Variants in ETFB observed in about 807,000 individuals in gnomAD.
ETFB encodes the protein electron transfer flavoprotein subunit beta.
In ETFB, 20 loss-of-function variants were observed where a neutral mutation model predicts 25.6. The observed-to-expected ratio is 0.78, with a 90% CI of 0.55 to 1.14. ETFB has a LOEUF of 1.14. Among genes scored for constraint, ETFB ranks in the 50% most tolerant of loss-of-function variants. ETFB has a pLI of 0.00. For synonymous variants in ETFB, 142 were observed against 146.7 expected (o/e 0.97, Z 0.23); for missense variants, 286 against 342.6 (o/e 0.83, Z 1.30).
intron 5 of ETFB, 150 bp downstream of exon 5, chr19:51,346,750 C>CG: frequency 1.3e-6 from 1 of 743,752 alleles, no homozygotes; most frequent in Non-Finnish European, 2.2e-6. Flanking sequence ...CCAGCAAACT[C>CG]TCTCTATCAG....
intron 1 of ETFB, chr19:51,356,334 C>CACTGCAGTGTA (rs1986078530): frequency 6.6e-6 from 1 of 152,246 alleles, no homozygotes; most frequent in African/African-American, 2.4e-5. Context: ...TCACAAATGC[C>CACTGCAGTGTA]ACTGCAGTGT....
In ETFB at chr19:51,346,908, T is replaced by C. The variant is rs747411704; in HGVS notation, c.589A>G (p.Asn197Asp). 9 of 1,554,016 alleles carry C rather than the reference T, an allele frequency of 5.8e-6. No homozygotes were observed. The highest frequency in any genetic ancestry group is 7.0e-6 in the Non-Finnish European group (8 of 1,148,850). Residue 197 changes from asparagine (N) to aspartate (D), a missense_variant, in exon 5 of 6, where the codon AAC (asparagine) becomes GAC (aspartate). Coordinates refer to ENST00000309244, the MANE Select transcript of ETFB (RefSeq NM_001985.3). ...LNEPRYATLP[N>D]IMKAKKKKIE... is the part of the protein sequence containing the mutation. ...GCTGGCCAGGGGCTCACCATGATGTTGGGCAGCGTGGCGTAGCGGGGCTCG... is the reference window on the plus strand; with the variant it reads ...GCTGGCCAGGGGCTCACCATGATGTCGGGCAGCGTGGCGTAGCGGGGCTCG...
intron 1 of ETFB, among the ~76,000 whole-genome samples, chr19:51,364,239 G>A (rs1456700995): frequency 6.6e-6 from 1 of 152,176 alleles, no homozygotes; most frequent in Non-Finnish European, 1.5e-5. Context: ...AGAAGGGAAA[G>A]AGGGTGGGAC....
Position 51,353,064 on chromosome 19 carries a change from G to A in ETFB, c.375+68C>T, listed in dbSNP as rs570430481. The A allele has an allele frequency of 4.7e-4, 751 of 1,597,232 alleles. 2 individuals carry two copies. In the African/African-American group the frequency reaches 9.0e-3, roughly 19 times the overall value. ...GCCTGGCCAGCTGCTGTCTCACCCC[G>A]TATCTCCACCACCCTCCTCCCGAGC... On this transcript the variant is annotated intron_variant, in intron 3 of 5. Transcript: ENST00000309244.
rs1986036733 is a variant in ETFB, at chr19:51,354,797, C to T, written c.58-489G>A. The T allele has an allele frequency of 8.9e-6, 7 of 782,408 alleles. No individual in the cohort carries two copies. In the East Asian group the frequency reaches 1.9e-4, roughly 21 times the overall value. The allele number at this position is 782,408 out of a possible 1,614,324, so 48.5% of individuals were successfully genotyped here. On this transcript the variant is annotated intron_variant, in intron 1 of 5. Transcript: ENST00000309244. ...ACAGCTACAGGCAACAATAGAGCAG[C>T]CTGGGGAAAACTCAAGCTGCCCAGC...
intron 5 of ETFB, chr19:51,345,588 C>A (rs951761994): frequency 9.6e-5 from 59 of 611,612 alleles, no homozygotes; most frequent in Non-Finnish European, 1.5e-4. Flanking sequence ...GGAGGCCCAA[C>A]TACTGCAGCA....
intron 5 of ETFB, 75 bp from the exon 6 acceptor site, chr19:51,345,456 G>A: frequency 1.4e-6 from 2 of 1,470,490 alleles, no homozygotes; most frequent in South Asian, 1.2e-5. Context: ...TCCCATGGGT[G>A]CCAGGCCTGC....
intron 1 of ETFB, chr19:51,354,574 C>G (rs1437158164): frequency 2.5e-6 from 4 of 1,614,222 alleles, no homozygotes; most frequent in Non-Finnish European, 3.4e-6. Flanking sequence ...CACTGCTCCT[C>G]TCAGGCCTGA....
intron 5 of ETFB, chr19:51,346,689 C>G: frequency 1.7e-6 from 1 of 580,084 alleles, no homozygotes; most frequent in East Asian, 2.9e-5. Flanking sequence ...AGCAAGCCCT[C>G]CCTGCTAGCC....
At chr19:51,354,605 C>G in intron 1 of ETFB, 1 of 1,612,784 alleles carries the variant, frequency 6.2e-7, no homozygotes, top group Non-Finnish European at 8.5e-7. Flanking sequence ...CTCAAATTTA[C>G]AGTATTTATG....
rs1328982772 is a variant in ETFB, at chr19:51,346,880, C to A, written c.597+20G>T. On this transcript the variant is annotated intron_variant, in intron 5 of 5. Transcript: ENST00000309244. Reference sequence around the variant, plus strand: ...GCTTGCCACCCCCAGGCCCTCAGTGCCCGCTGGCCAGGGGCTCACCATGAT... The same window carrying A: ...GCTTGCCACCCCCAGGCCCTCAGTGACCGCTGGCCAGGGGCTCACCATGAT... 6.5e-7 allele frequency: 1 copy of A among 1,544,462 alleles called. No homozygotes were observed. Among genetic ancestry groups the A allele is most frequent in the Non-Finnish European group, 8.7e-7 (1 of 1,145,094 alleles).
chr19:51,345,629 C>A, intron 5 of ETFB: 1 of 556,114 alleles, frequency 1.8e-6, no homozygotes, highest in Non-Finnish European at 3.2e-6. Flanking sequence ...ATCAGGAAGC[C>A]CTTCACTGGC....
At chr19:51,358,705 G>A (rs1408591917) in intron 1 of ETFB, among the ~76,000 whole-genome samples, 2 of 152,122 alleles carry the variant, frequency 1.3e-5, no homozygotes, top group Non-Finnish European at 2.9e-5. Flanking sequence ...GCTACTCAGA[G>A]GCTGGGGCAG....
chr19:51,345,569 GA>G, intron 5 of ETFB, 188 bp from the exon 6 acceptor site: 1 of 633,204 alleles, frequency 1.6e-6, no homozygotes, highest in Non-Finnish European at 2.8e-6. Flanking sequence ...TGCTGGCTAG[GA>G]GGCCCTGGGA....
chr19:51,357,491 T>TC (rs1491470520), intron 1 of ETFB, among the ~76,000 whole-genome samples: 4 of 104,562 alleles, frequency 3.8e-5, no homozygotes, highest in African/African-American at 2.8e-4. Context: ...TCTTTCTTTC[T>TC]TTTTTTTTTT....
At chr19:51,346,453 T>TC (rs67560073) in intron 5 of ETFB, 168,404 of 168,404 alleles carry the variant, frequency 1, 84,202 homozygotes, top group Non-Finnish European at 1. Flanking sequence ...AGCGAACCCA[T>TC]CTACTGGCCA....
At position 51,347,344 on chromosome 19, in the gene ETFB, G is replaced by A. The variant is rs557508806; in HGVS notation, c.439-286C>T. 1.0e-5 allele frequency: 4 copies of A among 395,686 alleles called. No individual in the cohort carries two copies. The South Asian group carries it at 1.3e-4, about 13-fold the overall frequency. The allele number at this position is 395,686 out of a possible 1,614,324, so 24.5% of individuals were successfully genotyped here. ...ACATGTACTGAGTGCTGAGCCCTGT[G>A]CTAAGCAACTGATGTATCAAGTCAT... On this transcript the variant is annotated intron_variant, in intron 4 of 5. Coordinates refer to ENST00000309244, the MANE Select transcript of ETFB (RefSeq NM_001985.3).
Position 51,360,476 on chromosome 19 carries a change from T to C in ETFB, c.57+5794A>G, listed in dbSNP as rs139779532. Among the ~76,000 whole-genome samples, 371 of 152,252 alleles carry C rather than the reference T, an allele frequency of 2.4e-3. 1 individual carries two copies. The highest frequency in any genetic ancestry group is 8.4e-3 in the African/African-American group (350 of 41,542). ...CCCATGCAGACAACGAGTCAAGGGT[T>C]TTATATGCATTAACTCGTTTGACCA... On this transcript the variant is annotated intron_variant, in intron 1 of 5. Transcript: ENST00000309244.
intron 3 of ETFB, among the ~76,000 whole-genome samples, chr19:51,352,790 G>C (rs559224653): frequency 4.2e-4 from 64 of 151,954 alleles, no homozygotes; most frequent in Non-Finnish European, 7.6e-4. Flanking sequence ...ACCACACCCG[G>C]CTAATTTTTA....
Sources: allele counts gnomAD v4.1 joint callset (sites outside exome capture counted in the v4.1 genomes callset), GRCh38; gene constraint gnomAD v4.1.1; transcripts MANE v1.5; gene names NCBI Gene and HGNC (gene_info 2026-07-23, HGNC 2026-07-21).